The following DPP10 variants were observed in gnomAD, a reference collection of about 807,000 sequenced individuals.
DPP10 encodes inactive dipeptidyl peptidase 10.
Under a neutral mutation model 120.9 loss-of-function variants are expected in DPP10, and 33 were observed. The observed-to-expected ratio is 0.27, with a 90% CI of 0.21 to 0.37. The LOEUF is 0.37. Ranked by LOEUF, DPP10 falls within the 10% of genes least tolerant of loss-of-function variation. The probability of loss-of-function intolerance (pLI) is 1.00; values close to 1 mark genes in which losing one functional copy is unlikely to be tolerated. For missense variants in DPP10, 816 were observed against 942.8 expected (o/e 0.87, Z 1.76); for synonymous variants, 337 against 326.1 (o/e 1.03, Z -0.36).
chr2:114,946,547 C>A (rs1697359206), intron 1 of DPP10, among the ~76,000 whole-genome samples: 1 of 152,022 alleles, frequency 6.6e-6, no homozygotes, highest in Admixed American at 6.6e-5. Flanking sequence ...ATAAAAATAT[C>A]CCCTATTCAT....
Position 115,602,075 on chromosome 2 carries a change from C to A in DPP10, c.441+76103C>A, listed in dbSNP as rs74525985. 7.4e-3 allele frequency among the ~76,000 whole-genome samples: 1,132 copies of A among 152,252 alleles called. 18 individuals are homozygous for A. Among genetic ancestry groups the A allele is most frequent in the African/African-American group, 0.026 (1,085 of 41,540 alleles). ...TTAAATTAAATCACCTGTATCTTCT[C>A]TTTTATTCTAAAAATGGACATTTTC... is the stretch of plus-strand genomic sequence containing the variant. On this transcript the variant is annotated intron_variant, in intron 5 of 25. Transcript: ENST00000410059.
At chr2:115,554,250 G>A (rs74653058) in intron 5 of DPP10, among the ~76,000 whole-genome samples, 5,953 of 151,670 alleles carry the variant, frequency 0.039, 170 homozygotes, top group Admixed American at 0.077. Context: ...AATCACAGAT[G>A]TGTCCTTATA....
At chr2:115,566,544 C>T (rs761576257) in intron 5 of DPP10, among the ~76,000 whole-genome samples, 3 of 152,038 alleles carry the variant, frequency 2.0e-5, no homozygotes, top group Non-Finnish European at 4.4e-5. Flanking sequence ...CTAGATTTGG[C>T]CAGTGGGATC....
intron 1 of DPP10, among the ~76,000 whole-genome samples, chr2:114,830,093 G>T (rs770238858): frequency 1.3e-5 from 2 of 152,136 alleles, no homozygotes; most frequent in Admixed American, 6.5e-5. Flanking sequence ...ACCCTAAGTA[G>T]GTAGGTCTCT....
rs182841786 is a variant in DPP10 at position 115,329,477 on chromosome 2, T to G, written c.176-14340T>G. Among the ~76,000 whole-genome samples the G allele has an allele frequency of 5.9e-4, 90 of 152,266 alleles. 2 individuals are homozygous for G. In the East Asian group the frequency reaches 0.015, roughly 26 times the overall value. On this transcript the variant is annotated intron_variant, in intron 2 of 25. Coordinates refer to ENST00000410059, the MANE Select transcript of DPP10 (RefSeq NM_020868.6). ...TTTTATTTAAGTTCTAGGGTACATG[T>G]GCAAAACGTGCGGGTTTGTTACATA...
At chr2:115,840,321 T>TTG (rs1689985600) in intron 24 of DPP10, among the ~76,000 whole-genome samples, 2 of 109,422 alleles carry the variant, frequency 1.8e-5, no homozygotes, top group Non-Finnish European at 3.7e-5. Context: ...GTTTTTTGGT[T>TTG]TTTTTTTTTT....
At chr2:114,579,931 G>T (rs1289311963) in intron 1 of DPP10, among the ~76,000 whole-genome samples, 1 of 152,112 alleles carries the variant, frequency 6.6e-6, no homozygotes, top group Non-Finnish European at 1.5e-5. Context: ...GGCAGCTGTT[G>T]CATTCTAAAA....
At chr2:115,339,260 G>T (rs923883205) in intron 2 of DPP10, among the ~76,000 whole-genome samples, 7 of 151,916 alleles carry the variant, frequency 4.6e-5, no homozygotes, top group Admixed American at 1.3e-4. Flanking sequence ...ACCACAAGGG[G>T]ATATCACTAC....
rs114838692 is a variant in DPP10, at chr2:115,043,421, T to C, written c.61-265818T>C. On this transcript the variant is annotated intron_variant, in intron 1 of 25. Transcript: ENST00000410059. Reference sequence around the variant, plus strand: ...AAGTTGTTTTTTCAAAGTACCCTCATCACAAAATTTAGGCATGCAAATGTC... The same window carrying C: ...AAGTTGTTTTTTCAAAGTACCCTCACCACAAAATTTAGGCATGCAAATGTC... 9.2e-3 allele frequency among the ~76,000 whole-genome samples: 1,401 copies of C among 152,304 alleles called. 27 individuals carry two copies. Among genetic ancestry groups the C allele is most frequent in the African/African-American group, 0.032 (1,338 of 41,570 alleles).
At chr2:115,087,533 CTTTTCTTTTT>C (rs895738020) in intron 1 of DPP10, among the ~76,000 whole-genome samples, 11 of 92,592 alleles carry the variant, frequency 1.2e-4, no homozygotes, top group African/African-American at 3.3e-4. Flanking sequence ...CTTTTCTTTT[CTTTTCTTTTT>C]TTTTTTTTTT....
At chr2:115,093,207 A>G (rs1709425351) in intron 1 of DPP10, among the ~76,000 whole-genome samples, 3 of 152,174 alleles carry the variant, frequency 2.0e-5, no homozygotes, top group African/African-American at 7.2e-5. Flanking sequence ...GAATAAAGTT[A>G]TACATATAAA....
At chr2:115,321,515 G>GTTTTTTTT (rs35046366) in intron 2 of DPP10, among the ~76,000 whole-genome samples, 5 of 121,580 alleles carry the variant, frequency 4.1e-5, no homozygotes, top group East Asian at 2.5e-4. Context: ...TTTTTTTAGT[G>GTTTTTTTT]TTTTTTTTTT....
chr2:115,724,421 A>C (rs147637653), intron 7 of DPP10, among the ~76,000 whole-genome samples: 1 of 152,344 alleles, frequency 6.6e-6, no homozygotes. Flanking sequence ...TCATTTGTTA[A>C]TGAGCAACAT....
intron 3 of DPP10, among the ~76,000 whole-genome samples, chr2:115,467,675 A>C (rs1005579427): frequency 1.2e-4 from 19 of 152,326 alleles, no homozygotes; most frequent in African/African-American, 4.3e-4. Context: ...CTGCAATTTA[A>C]TATGATGAAC....
chr2:114,468,397 CAAA>C (rs71297186), intron 1 of DPP10, among the ~76,000 whole-genome samples: 14 of 69,552 alleles, frequency 2.0e-4, no homozygotes, highest in African/African-American at 5.3e-4. Context: ...GCTTACAATG[CAAA>C]AAAAAAAAAA....
intron 1 of DPP10, among the ~76,000 whole-genome samples, chr2:114,722,157 A>C (rs1701739609): frequency 6.6e-6 from 1 of 152,236 alleles, no homozygotes; most frequent in Non-Finnish European, 1.5e-5. Flanking sequence ...AGCTATCATA[A>C]AGACCCTGAA....
At chr2:114,709,253 T>C (rs1173110360) in intron 1 of DPP10, among the ~76,000 whole-genome samples, 1 of 152,152 alleles carries the variant, frequency 6.6e-6, no homozygotes, top group Non-Finnish European at 1.5e-5. Context: ...GCTACAGTGC[T>C]ACATCTCTTC....
intron 1 of DPP10, among the ~76,000 whole-genome samples, chr2:114,471,101 A>G (rs969966688): frequency 5.3e-5 from 8 of 152,208 alleles, no homozygotes; most frequent in African/African-American, 1.7e-4. Flanking sequence ...AAAGTTTACA[A>G]CCTAACTGTA....
chr2:114,891,810 C>G (rs1267027497), intron 1 of DPP10, among the ~76,000 whole-genome samples: 2 of 152,128 alleles, frequency 1.3e-5, no homozygotes, highest in Admixed American at 1.3e-4. Context: ...TTGAAGGACA[C>G]TAAGTCAAAA....
Sources: gnomAD v4.1 joint callset for allele counts (sites outside exome capture counted in the v4.1 genomes callset) on GRCh38, gnomAD v4.1.1 for gene constraint, MANE v1.5 for transcripts, NCBI Gene and HGNC (gene_info 2026-07-23, HGNC 2026-07-21) for gene names.